The following CYFIP2 variants were observed in gnomAD, a reference collection of about 807,000 sequenced individuals.
The protein encoded by CYFIP2 is cytoplasmic FMR1-interacting protein 2.
CYFIP2 carries 29 observed loss-of-function variants against 158.7 expected under a neutral mutation model. That is an observed-to-expected ratio of 0.18 (90% CI 0.14 to 0.25). CYFIP2 has a LOEUF of 0.25. Among genes scored for constraint, CYFIP2 ranks in the 10% least tolerant of loss-of-function variants. The pLI, the probability that CYFIP2 is intolerant of heterozygous loss-of-function variation, is 1.00. For synonymous variants in CYFIP2, 585 were observed against 617.6 expected (o/e 0.95, Z 0.78); for missense variants, 852 against 1,639.5 (o/e 0.52, Z 8.29).
At chr5:157,273,168 G>T (rs1458116239) in intron 1 of CYFIP2, among the ~76,000 whole-genome samples, 1 of 152,100 alleles carries the variant, frequency 6.6e-6, no homozygotes, top group African/African-American at 2.4e-5. Flanking sequence ...GCCTGGCCCT[G>T]TCCTTTTCTT....
intron 10 of CYFIP2, chr5:157,310,956 A>T: frequency 2.2e-6 from 1 of 455,582 alleles, no homozygotes; most frequent in Non-Finnish European, 4.4e-6. Context: ...TCTCTTGGGG[A>T]TGGAGAGTGA....
Position 157,314,332 on chromosome 5 carries a change from G to A in CYFIP2, c.1111-12G>A, listed in dbSNP as rs1431516102. On this transcript the variant is annotated splice_polypyrimidine_tract_variant and intron_variant, in intron 11 of 30. Transcript: ENST00000620254. Reference sequence around the variant, plus strand: ...CACATAGACCATGAGTATGACACCTGATGCTCCCCAGGTGGTGACGGGCTC... The same window carrying A: ...CACATAGACCATGAGTATGACACCTAATGCTCCCCAGGTGGTGACGGGCTC... 6.2e-7 allele frequency: 1 copy of A among 1,612,600 alleles called. No individual in the cohort carries two copies. Among genetic ancestry groups the A allele is most frequent in the Non-Finnish European group, 8.5e-7 (1 of 1,179,292 alleles).
intron 8 of CYFIP2, 102 bp from the exon 9 acceptor site, chr5:157,307,659 G>GTGTGTGTGTGTA (rs1554110293): frequency 2.5e-5 from 12 of 480,850 alleles, no homozygotes; most frequent in African/African-American, 8.0e-5. Flanking sequence ...GTGTGTGTAT[G>GTGTGTGTGTGTA]TGTGTGTGTG....
intron 23 of CYFIP2, among the ~76,000 whole-genome samples, chr5:157,343,736 G>A (rs897610967): frequency 1.3e-5 from 2 of 152,172 alleles, no homozygotes; most frequent in Middle Eastern, 3.4e-3. Context: ...GTTAAAACTG[G>A]GGCTGTCCCA....
intron 3 of CYFIP2, among the ~76,000 whole-genome samples, chr5:157,292,522 A>G (rs771328194): frequency 3.3e-5 from 5 of 152,202 alleles, no homozygotes; most frequent in Non-Finnish European, 5.9e-5. Flanking sequence ...CCTGGCCAGC[A>G]TAATGTTTTC....
intron 30 of CYFIP2, among the ~76,000 whole-genome samples, chr5:157,392,280 A>G (rs375925607): frequency 1.3e-5 from 2 of 152,182 alleles, no homozygotes; most frequent in South Asian, 4.1e-4. Flanking sequence ...TTTTGATGTC[A>G]TACCCCAAGA....
At chr5:157,307,891 C>T (rs1457491589) in intron 9 of CYFIP2, 26 bp downstream of exon 9, 1 of 1,380,192 alleles carries the variant, frequency 7.2e-7, no homozygotes, top group African/African-American at 1.4e-5. Context: ...TGGGGCTGGG[C>T]AGAGGGCTGA....
At chr5:157,267,301 A>G (rs1187532015) in intron 1 of CYFIP2, among the ~76,000 whole-genome samples, 1 of 152,190 alleles carries the variant, frequency 6.6e-6, no homozygotes, top group Non-Finnish European at 1.5e-5. Context: ...GCCTGCTGGC[A>G]GGAGGGGCAA....
chr5:157,388,962 C>A (rs1766978119), intron 28 of CYFIP2, among the ~76,000 whole-genome samples: 1 of 152,176 alleles, frequency 6.6e-6, no homozygotes, highest in Admixed American at 6.5e-5. Context: ...AAAAATTAAT[C>A]CGCTACTGAT....
chr5:157,296,870 C>A, intron 5 of CYFIP2, 96 bp downstream of exon 5: 1 of 957,706 alleles, frequency 1.0e-6, no homozygotes, highest in Non-Finnish European at 1.6e-6. Context: ...GTTATTTATT[C>A]ACTAAGCAAA....
intron 7 of CYFIP2, 191 bp downstream of exon 7, chr5:157,303,081 C>A: frequency 1.8e-6 from 1 of 549,136 alleles, no homozygotes; most frequent in East Asian, 3.1e-5. Context: ...CCGATTCACC[C>A]TCTCCAGTTG....
chr5:157,381,170 TTG>T (rs1766027158), intron 26 of CYFIP2, among the ~76,000 whole-genome samples: 1 of 152,120 alleles, frequency 6.6e-6, no homozygotes, highest in Non-Finnish European at 1.5e-5. Context: ...AGAATAAAAA[TTG>T]TGTTTTTCCA....
chr5:157,322,833 TATACA>T, intron 15 of CYFIP2: 1 of 1,197,574 alleles, frequency 8.4e-7, no homozygotes, highest in South Asian at 1.4e-5. Flanking sequence ...TTTCCCACCG[TATACA>T]ATACCTCTTG....
At chr5:157,389,991 G>A (rs1445911432) in intron 29 of CYFIP2, among the ~76,000 whole-genome samples, 1 of 152,140 alleles carries the variant, frequency 6.6e-6, no homozygotes, top group Non-Finnish European at 1.5e-5. Context: ...CTTGAGAGTT[G>A]GGGGCCAGGC....
chr5:157,306,517 G>A (rs75460131), intron 8 of CYFIP2, among the ~76,000 whole-genome samples: 1,827 of 152,278 alleles, frequency 0.012, 39 homozygotes, highest in African/African-American at 0.04. Flanking sequence ...TGGTTAGTTT[G>A]TGTTAGTGAA....
At chr5:157,286,964 C>A in intron 2 of CYFIP2, 55 bp from the exon 3 acceptor site, 1 of 1,472,698 alleles carries the variant, frequency 6.8e-7, no homozygotes, top group Non-Finnish European at 9.4e-7. Context: ...GGACACCCAG[C>A]CAACTTGGAA....
intron 23 of CYFIP2, among the ~76,000 whole-genome samples, chr5:157,354,580 CG>C (rs112247554): frequency 6.6e-6 from 1 of 150,474 alleles, no homozygotes; most frequent in African/African-American, 2.5e-5. Flanking sequence ...AATGAGGGGT[CG>C]GGGGGGATTT....
intron 5 of CYFIP2, among the ~76,000 whole-genome samples, chr5:157,299,170 C>T (rs928988296): frequency 1.7e-5 from 2 of 120,538 alleles, no homozygotes; most frequent in Non-Finnish European, 3.5e-5. Flanking sequence ...TCTTTGCACC[C>T]TAGAGCCAAT....
At chr5:157,312,900 AT>A (rs1759855676) in intron 11 of CYFIP2, among the ~76,000 whole-genome samples, 1 of 152,160 alleles carries the variant, frequency 6.6e-6, no homozygotes, top group African/African-American at 2.4e-5. Context: ...TTTTTTAAAA[AT>A]AGATCTCATT....
Sources: allele counts gnomAD v4.1 joint callset (sites outside exome capture counted in the v4.1 genomes callset), GRCh38; gene constraint gnomAD v4.1.1; transcripts MANE v1.5; gene names NCBI Gene and HGNC (gene_info 2026-07-23, HGNC 2026-07-21).